Variants in PTER observed in about 807,000 individuals in gnomAD.
PTER encodes the protein N-acetyltaurine hydrolase.
Under a neutral mutation model 29.6 loss-of-function variants are expected in PTER, and 38 were observed. The ratio of observed to expected loss-of-function variants is 1.28; its 90% CI spans 0.99 to 1.68. PTER has a LOEUF of 1.68. Ranked by LOEUF, PTER falls within the 40% of genes most tolerant of loss-of-function variation. The probability of loss-of-function intolerance (pLI) is 0.00; values close to 1 mark genes in which losing one functional copy is unlikely to be tolerated. For synonymous variants in PTER, 172 were observed against 154.5 expected (o/e 1.11, Z -0.84); for missense variants, 482 against 427.8 (o/e 1.13, Z -1.12).
At chr10:16,501,903 A>G (rs764778338) in intron 3 of PTER, among the ~76,000 whole-genome samples, 1 of 152,248 alleles carries the variant, frequency 6.6e-6, no homozygotes, top group Non-Finnish European at 1.5e-5. Flanking sequence ...AAATGAGATA[A>G]TACATATAAT....
At chr10:16,438,725 C>T (rs1055088329) in intron 1 of PTER, among the ~76,000 whole-genome samples, 3 of 151,060 alleles carry the variant, frequency 2.0e-5, no homozygotes, top group Non-Finnish European at 4.4e-5. Context: ...GCCAGGAGTT[C>T]GAGACCAGCC....
At chr10:16,475,411 C>G (rs75171599) in intron 1 of PTER, among the ~76,000 whole-genome samples, 18,906 of 152,186 alleles carry the variant, frequency 0.12, 1,400 homozygotes, top group South Asian at 0.23. Flanking sequence ...GCTGGAGACT[C>G]TCTTTCTCTC....
downstream of PTER, chr10:16,513,982 T>G (rs931204740): frequency 4.3e-6 from 1 of 232,802 alleles, no homozygotes; most frequent in Non-Finnish European, 8.2e-6. Context: ...AGGCTTGAAG[T>G]TGAATCATTC....
At chr10:16,466,643 A>G (rs886725749) in intron 1 of PTER, among the ~76,000 whole-genome samples, 3 of 152,236 alleles carry the variant, frequency 2.0e-5, no homozygotes, top group African/African-American at 7.2e-5. Context: ...GGCATGAGCC[A>G]CTGCACCTGG....
intron 1 of PTER, among the ~76,000 whole-genome samples, chr10:16,444,361 C>T (rs1180707207): frequency 6.6e-6 from 1 of 151,584 alleles, no homozygotes; most frequent in Non-Finnish European, 1.5e-5. Context: ...GATCATAGCT[C>T]ACTTGAGCTT....
chr10:16,508,130 G>A (rs1303249091), intron 4 of PTER, among the ~76,000 whole-genome samples: 3 of 145,880 alleles, frequency 2.1e-5, no homozygotes, highest in East Asian at 4.0e-4. Flanking sequence ...GCGCAGTGGC[G>A]CAATCTCACC....
At chr10:16,491,934 A>G (rs987581524) in intron 3 of PTER, among the ~76,000 whole-genome samples, 1 of 150,664 alleles carries the variant, frequency 6.6e-6, no homozygotes, top group Non-Finnish European at 1.5e-5. Flanking sequence ...ATGCATTTGT[A>G]TGGGTGCACA....
chr10:16,486,194 A>G (rs1177714019), intron 2 of PTER, among the ~76,000 whole-genome samples, 158 bp from the exon 3 acceptor site: 24 of 152,246 alleles, frequency 1.6e-4, no homozygotes, highest in Admixed American at 1.6e-3. Flanking sequence ...TTTGGCCAGC[A>G]AAATGCCTTT....
intron 3 of PTER, among the ~76,000 whole-genome samples, chr10:16,495,448 G>C (rs1410481603): frequency 6.6e-6 from 1 of 152,194 alleles, no homozygotes; most frequent in African/African-American, 2.4e-5. Context: ...GGGAGTATAG[G>C]CGTGAGCCAC....
intron 1 of PTER, among the ~76,000 whole-genome samples, chr10:16,443,377 G>A (rs1833910955): frequency 6.6e-6 from 1 of 152,218 alleles, no homozygotes; most frequent in Non-Finnish European, 1.5e-5. Flanking sequence ...GGTGCTGAGG[G>A]TTCGGGCTGC....
intron 1 of PTER, among the ~76,000 whole-genome samples, chr10:16,476,528 C>G (rs192831563): frequency 8.7e-4 from 133 of 152,236 alleles, no homozygotes; most frequent in Middle Eastern, 6.8e-3. Flanking sequence ...AGTCACACAG[C>G]CAGAAAACAC....
chr10:16,453,578 G>A (rs1425432990), intron 1 of PTER, among the ~76,000 whole-genome samples: 1 of 152,028 alleles, frequency 6.6e-6, no homozygotes, highest in African/African-American at 2.4e-5. Flanking sequence ...GAACTTCTGG[G>A]TTGTGAAGTA....
chr10:16,444,216 A>G (rs1833942497), intron 1 of PTER, among the ~76,000 whole-genome samples: 1 of 151,964 alleles, frequency 6.6e-6, no homozygotes, highest in Non-Finnish European at 1.5e-5. Flanking sequence ...GGATGGTCTC[A>G]ATCTCTTGAC....
rs189977009 is a variant in PTER, at chr10:16,467,098, C to T, written c.-48-17239C>T. On this transcript the variant is annotated intron_variant, in intron 1 of 4. Transcript: ENST00000535784. The stretch of plus-strand genomic sequence containing the variant: ...AGATTCTGGCTCTTACACTACTGTC[C>T]CCTTATCCATGGTTTTGCTTTTTGT... Among the ~76,000 whole-genome samples, 5 of 152,224 alleles carry T rather than the reference C, an allele frequency of 3.3e-5. No homozygotes were observed. In the East Asian group the frequency reaches 9.6e-4, roughly 29 times the overall value.
At chr10:16,439,654 A>C (rs1026698480) in intron 1 of PTER, among the ~76,000 whole-genome samples, 4 of 152,236 alleles carry the variant, frequency 2.6e-5, no homozygotes, top group African/African-American at 9.6e-5. Flanking sequence ...CATACAGGAC[A>C]TACATACATA....
intron 1 of PTER, among the ~76,000 whole-genome samples, chr10:16,440,939 T>C (rs1433428011): frequency 6.6e-6 from 1 of 152,202 alleles, no homozygotes; most frequent in Non-Finnish European, 1.5e-5. Context: ...GTTTACCAGA[T>C]ACCTTGGGAG....
At chr10:16,473,148 C>T (rs556095993) in intron 1 of PTER, among the ~76,000 whole-genome samples, 1 of 152,144 alleles carries the variant, frequency 6.6e-6, no homozygotes, top group African/African-American at 2.4e-5. Flanking sequence ...GTGATACTTT[C>T]CTTCTCTTTA....
At position 16,477,667 on chromosome 10, in the gene PTER, C is replaced by T. The variant is rs531395934; in HGVS notation, c.-48-6670C>T. On this transcript the variant is annotated intron_variant, in intron 1 of 4. Transcript: ENST00000535784. ...GGTGTGGAGTGGTTAACCAAGTTGC[C>T]CAAACCCACACAGCTATTTAGTGAA... is the stretch of plus-strand genomic sequence containing the variant. Among the ~76,000 whole-genome samples, 10 of 152,198 alleles carry T rather than the reference C, an allele frequency of 6.6e-5. No individual in the cohort carries two copies. In the South Asian group the frequency reaches 1.0e-3, roughly 16 times the overall value.
intron 1 of PTER, among the ~76,000 whole-genome samples, chr10:16,477,408 C>T (rs1348089668): frequency 2.6e-5 from 4 of 151,962 alleles, no homozygotes; most frequent in East Asian, 1.9e-4. Context: ...AACTCCTGAC[C>T]TCAAATGATT....
Sources: allele counts gnomAD v4.1 joint callset (sites outside exome capture counted in the v4.1 genomes callset), GRCh38; gene constraint gnomAD v4.1.1; transcripts MANE v1.5; gene names NCBI Gene and HGNC (gene_info 2026-07-23, HGNC 2026-07-21).